The following NXPE3 variants were observed in gnomAD, a reference collection of about 807,000 sequenced individuals.
The protein encoded by NXPE3 is neurexophilin and PC-esterase domain family member 3, also known as NXPE family member 3.
NXPE3 carries 26 observed loss-of-function variants against 46.1 expected under a neutral mutation model. That is an observed-to-expected ratio of 0.56 (90% CI 0.41 to 0.78). The LOEUF (loss-of-function observed/expected upper bound fraction) is 0.78, where lower values mean the gene tolerates loss of function less well. Among genes scored for constraint, NXPE3 ranks in the 30% least tolerant of loss-of-function variants. The pLI is 0.00. For synonymous variants in NXPE3, 272 were observed against 257.9 expected, an observed-to-expected ratio of 1.05 and a Z score of -0.52; for missense variants, 620 against 686.0, an observed-to-expected ratio of 0.90 and a Z score of 1.07.
intron 4 of NXPE3, among the ~76,000 whole-genome samples, chr3:101,787,112 C>G (rs1940232072): frequency 6.6e-6 from 1 of 151,604 alleles, no homozygotes; most frequent in African/African-American, 2.4e-5. Flanking sequence ...GAGATCATGC[C>G]ACTGCATTCC....
chr3:101,798,684 C>T (rs1319768104), intron 4 of NXPE3, among the ~76,000 whole-genome samples: 3 of 151,062 alleles, frequency 2.0e-5, no homozygotes, highest in South Asian at 2.1e-4. Flanking sequence ...ACAATCTCAG[C>T]GTACTGCAAC....
intron 6 of NXPE3, among the ~76,000 whole-genome samples, chr3:101,811,949 G>A (rs533124905): frequency 6.6e-6 from 1 of 152,042 alleles, no homozygotes; most frequent in East Asian, 1.9e-4. Context: ...GGCCAGCCTG[G>A]TCTGAAACTC....
Position 101,801,557 on chromosome 3 carries a change from A to G in NXPE3, c.416A>G (p.Tyr139Cys). The G allele has an allele frequency of 1.2e-6, 2 of 1,614,206 alleles. No homozygotes were observed. Among genetic ancestry groups the G allele is most frequent in the South Asian group, 2.2e-5 (2 of 91,086 alleles). ...VQDFQRKPKK[Y>C]GGDYLQARIH... ...GATTTTCAAAGAAAGCCCAAGAAGT[A>G]TGGTGGAGACTACCTGCAGGCCAGA... Residue 139 changes from tyrosine (Y) to cysteine (C), a missense_variant, in exon 5 of 8, where the codon TAT becomes TGT. Tyr to Cys is a radical substitution (Grantham distance 194). This residue lies in a region of NXPE3 where 511 missense variants were observed against 528.6 expected (regional missense o/e 0.97). Coordinates refer to ENST00000273347, the MANE Select transcript of NXPE3 (RefSeq NM_145037.4).
In NXPE3 at chr3:101,815,869, G is replaced by A. The variant is rs141877282; in HGVS notation, c.923-926G>A. Among the ~76,000 whole-genome samples, 1,318 of 152,242 alleles carry A rather than the reference G, an allele frequency of 8.7e-3. 63 individuals are homozygous for A. The South Asian group carries it at 0.12, about 14-fold the overall frequency. The stretch of plus-strand genomic sequence containing the variant: ...AAATTAACTGGGTGTGGTGGTACAC[G>A]CCTGTACTCCCAGCTACTCGGGAGG... On this transcript the variant is annotated intron_variant, in intron 6 of 7. Transcript: ENST00000273347.
chr3:101,782,581 TCTG>T (rs1939888173), intron 2 of NXPE3, 76 bp from the exon 3 acceptor site: 2 of 152,232 alleles, frequency 1.3e-5, no homozygotes, highest in Admixed American at 1.3e-4. Context: ...ATGCTTTGTT[TCTG>T]CTATGTCTCA....
At chr3:101,818,716 TATATATATATATATATA>T (rs1296195937) in intron 7 of NXPE3, among the ~76,000 whole-genome samples, 3 of 37,608 alleles carry the variant, frequency 8.0e-5, no homozygotes, top group African/African-American at 2.7e-4. Context: ...TATGACAATT[TATATATATATATATATA>T]TATATATATA....
chr3:101,805,790 G>A (rs1941389913), intron 5 of NXPE3, among the ~76,000 whole-genome samples: 1 of 151,822 alleles, frequency 6.6e-6, no homozygotes, highest in Non-Finnish European at 1.5e-5. Context: ...TTAGATTGAG[G>A]CTAAATATTT....
In NXPE3 at chr3:101,790,793, G is replaced by A. The variant is rs559267196; in HGVS notation, c.93+5104G>A. Among the ~76,000 whole-genome samples the A allele has an allele frequency of 1.4e-4, 22 of 151,862 alleles. No individual in the cohort carries two copies. In the East Asian group the frequency reaches 3.9e-3, roughly 27 times the overall value. ...ATTTTCTTTTTAGATACGGGGTTTCGCCACATTGCCCAGGCTGGTCTTGCA... is the reference window on the plus strand; with the variant it reads ...ATTTTCTTTTTAGATACGGGGTTTCACCACATTGCCCAGGCTGGTCTTGCA... On this transcript the variant is annotated intron_variant, in intron 4 of 7. Transcript: ENST00000273347.
chr3:101,815,328 G>GT (rs1396535322), intron 6 of NXPE3, among the ~76,000 whole-genome samples: 1 of 152,154 alleles, frequency 6.6e-6, no homozygotes. Context: ...ATTAAGTGGT[G>GT]TTTTTTTGGA....
chr3:101,802,647 T>C (rs1941226095), intron 5 of NXPE3, among the ~76,000 whole-genome samples: 1 of 151,870 alleles, frequency 6.6e-6, no homozygotes, highest in African/African-American at 2.4e-5. Flanking sequence ...GCATAGGAAG[T>C]CAGGAATACC....
chr3:101,789,282 G>A (rs1266894958), intron 4 of NXPE3, among the ~76,000 whole-genome samples: 1 of 152,124 alleles, frequency 6.6e-6, no homozygotes, highest in Admixed American at 6.6e-5. Flanking sequence ...GGTGGCTTAG[G>A]CCTGTAATCC....
At chr3:101,793,620 A>T (rs1940641374) in intron 4 of NXPE3, among the ~76,000 whole-genome samples, 7 of 35,918 alleles carry the variant, frequency 1.9e-4, no homozygotes, top group African/African-American at 3.0e-4. Flanking sequence ...GTATTAATTG[A>T]CAAGGTCTTT....
intron 6 of NXPE3, among the ~76,000 whole-genome samples, chr3:101,807,509 A>G (rs1000565734): frequency 6.6e-6 from 1 of 151,756 alleles, no homozygotes; most frequent in African/African-American, 2.4e-5. Flanking sequence ...TTTTTTGCAG[A>G]GACAAATTTT....
chr3:101,806,074 C>T (rs545202555), intron 5 of NXPE3, among the ~76,000 whole-genome samples: 8 of 151,986 alleles, frequency 5.3e-5, no homozygotes, highest in Non-Finnish European at 1.2e-4. Flanking sequence ...TTTTGTCTGT[C>T]TCCATGTCAG....
intron 4 of NXPE3, among the ~76,000 whole-genome samples, chr3:101,790,920 G>C (rs548079129): frequency 1.3e-5 from 2 of 151,914 alleles, no homozygotes; most frequent in East Asian, 3.9e-4. Context: ...AAACCTACTT[G>C]TGTTTTTATA....
chr3:101,805,707 C>T (rs960529770), intron 5 of NXPE3, among the ~76,000 whole-genome samples: 5 of 152,126 alleles, frequency 3.3e-5, no homozygotes, highest in African/African-American at 1.2e-4. Context: ...TCCCAAAGTG[C>T]TGGGATTACA....
intron 4 of NXPE3, among the ~76,000 whole-genome samples, chr3:101,795,945 C>G (rs1326786725): frequency 6.6e-6 from 1 of 152,182 alleles, no homozygotes; most frequent in Non-Finnish European, 1.5e-5. Context: ...TACATGCCCA[C>G]CTGAAGAAAC....
At chr3:101,808,373 A>T (rs1941524686) in intron 6 of NXPE3, among the ~76,000 whole-genome samples, 2 of 152,134 alleles carry the variant, frequency 1.3e-5, no homozygotes, top group Non-Finnish European at 2.9e-5. Flanking sequence ...GATGTTGGCA[A>T]ACCCTTTTGC....
chr3:101,811,178 T>G (rs1209725374), intron 6 of NXPE3, among the ~76,000 whole-genome samples: 2 of 152,174 alleles, frequency 1.3e-5, no homozygotes, highest in African/African-American at 4.8e-5. Flanking sequence ...ATAGCCTGAT[T>G]CAACTTGTGA....
Sources: gnomAD v4.1 joint callset for allele counts (sites outside exome capture counted in the v4.1 genomes callset) on GRCh38, gnomAD v4.1.1 for gene constraint, gnomAD v4.1.1 regional missense constraint, MANE v1.5 for transcripts, NCBI Gene and HGNC (gene_info 2026-07-23, HGNC 2026-07-21) for gene names.